Variants in DPP6 observed in about 807,000 individuals in gnomAD.
The protein encoded by DPP6 is dipeptidyl peptidase like 6.
A neutral mutation model predicts 122.6 loss-of-function variants in DPP6; 69 were observed. The observed-to-expected ratio is 0.56, with a 90% CI of 0.46 to 0.69. The LOEUF (loss-of-function observed/expected upper bound fraction) is 0.69, where lower values mean the gene tolerates loss of function less well. Among genes scored for constraint, DPP6 ranks in the 30% least tolerant of loss-of-function variants. The probability of loss-of-function intolerance (pLI) is 0.00; values close to 1 mark genes in which losing one functional copy is unlikely to be tolerated. For synonymous variants in DPP6, 418 were observed against 433.1 expected (o/e 0.97, Z 0.43); for missense variants, 928 against 1,116.9 (o/e 0.83, Z 2.41).
intron 8 of DPP6, among the ~76,000 whole-genome samples, chr7:154,739,376 G>A (rs770443308): frequency 6.6e-6 from 1 of 152,192 alleles, no homozygotes; most frequent in Non-Finnish European, 1.5e-5. Flanking sequence ...GAAGATCAGA[G>A]TTGGGTTGAG....
At chr7:154,414,770 T>C (rs286855) in intron 1 of DPP6, among the ~76,000 whole-genome samples, 123,789 of 152,058 alleles carry the variant, frequency 0.81, 52,463 homozygotes, top group South Asian at 0.95. Flanking sequence ...GTCCCCCTTG[T>C]GTGGCTGTCA....
chr7:154,559,677 C>T (rs1055543202), intron 4 of DPP6, among the ~76,000 whole-genome samples: 6 of 151,956 alleles, frequency 3.9e-5, no homozygotes, highest in Non-Finnish European at 5.9e-5. Flanking sequence ...AGCCAGAGGA[C>T]ATTGGAATGA....
chr7:154,229,424 A>G (rs1272558931), intron 1 of DPP6, among the ~76,000 whole-genome samples: 1 of 152,204 alleles, frequency 6.6e-6, no homozygotes, highest in Non-Finnish European at 1.5e-5. Context: ...TGGAATGTTT[A>G]TTCAACTTTA....
At chr7:154,761,185 C>T (rs187545915) in intron 8 of DPP6, among the ~76,000 whole-genome samples, 7 of 152,324 alleles carry the variant, frequency 4.6e-5, no homozygotes, top group Admixed American at 3.9e-4. Context: ...AATACAATGG[C>T]ATAAAACTGC....
At chr7:153,822,859 T>C in the DPP6 span, among the ~76,000 whole-genome samples, 1 of 152,236 alleles carries the variant, frequency 6.6e-6, no homozygotes. Context: ...CTTCCTTCTT[T>C]ACGTTTCAAA....
At chr7:153,774,101 A>G in the DPP6 span, among the ~76,000 whole-genome samples, 1 of 152,176 alleles carries the variant, frequency 6.6e-6, no homozygotes, top group African/African-American at 2.4e-5. Flanking sequence ...TGTTTGTACC[A>G]ATTATGTTGA....
intron 3 of DPP6, among the ~76,000 whole-genome samples, chr7:154,539,787 TAA>T (rs56012436): frequency 6.6e-6 from 1 of 151,654 alleles, no homozygotes. Flanking sequence ...TTTTTTAAAT[TAA>T]AAAAAATTAT....
chr7:154,714,359 G>A (rs961355465), intron 7 of DPP6, among the ~76,000 whole-genome samples: 27 of 152,052 alleles, frequency 1.8e-4, no homozygotes, highest in African/African-American at 5.1e-4. Context: ...CTCACTCTCC[G>A]TAGCACCAAT....
At chr7:153,926,903 T>C (rs938324618) in intron 1 of DPP6, among the ~76,000 whole-genome samples, 1 of 152,220 alleles carries the variant, frequency 6.6e-6, no homozygotes, top group African/African-American at 2.4e-5. Flanking sequence ...AAATTATTGT[T>C]GTGGAAAATG....
intron 1 of DPP6, among the ~76,000 whole-genome samples, chr7:153,910,139 A>G (rs1800017743): frequency 6.6e-6 from 1 of 151,944 alleles, no homozygotes; most frequent in African/African-American, 2.4e-5. Context: ...AGTCAATTTA[A>G]TTTGTAGCCC....
At chr7:154,713,879 T>C (rs1841334989) in intron 7 of DPP6, among the ~76,000 whole-genome samples, 1 of 152,212 alleles carries the variant, frequency 6.6e-6, no homozygotes, top group Non-Finnish European at 1.5e-5. Context: ...TCCCAGAAAG[T>C]GGGATTTTCT....
intron 1 of DPP6, among the ~76,000 whole-genome samples, chr7:154,243,321 T>C (rs77404309): frequency 0.038 from 5,779 of 152,114 alleles, 180 homozygotes; most frequent in East Asian, 0.13. Context: ...ATTAAATGCC[T>C]TTGATGTTGA....
At chr7:154,224,254 G>T (rs960873172) in intron 1 of DPP6, among the ~76,000 whole-genome samples, 1 of 148,826 alleles carries the variant, frequency 6.7e-6, no homozygotes, top group Admixed American at 6.6e-5. Flanking sequence ...ACTTGGAGGC[G>T]GACATTGCAG....
chr7:154,776,254 T>C (rs1190009274), intron 10 of DPP6, among the ~76,000 whole-genome samples: 1 of 131,276 alleles, frequency 7.6e-6, no homozygotes, highest in Non-Finnish European at 1.7e-5. Context: ...CATAGATAGA[T>C]AGATAGATGA....
At chr7:154,110,668 C>G (rs1417171572) in intron 1 of DPP6, among the ~76,000 whole-genome samples, 2 of 152,012 alleles carry the variant, frequency 1.3e-5, no homozygotes, top group East Asian at 3.9e-4. Context: ...ACAGCCAGCC[C>G]CAACTGATGT....
At chr7:154,578,772 G>A (rs1181720110) in intron 5 of DPP6, among the ~76,000 whole-genome samples, 1 of 152,122 alleles carries the variant, frequency 6.6e-6, no homozygotes, top group Admixed American at 6.5e-5. Flanking sequence ...GTGAGGGTAG[G>A]TGTGCATATG....
At chr7:154,007,991 G>A (rs1278418870) in intron 1 of DPP6, among the ~76,000 whole-genome samples, 2 of 152,204 alleles carry the variant, frequency 1.3e-5, no homozygotes, top group Admixed American at 1.3e-4. Context: ...AGTGTGGGCA[G>A]TGTCCTCCCG....
chr7:154,795,727 G>A (rs1424486917), intron 11 of DPP6, 118 bp from the exon 12 acceptor site: 7 of 1,413,718 alleles, frequency 5.0e-6, no homozygotes, highest in African/African-American at 1.4e-5. Flanking sequence ...TTGTGCAGCG[G>A]CCATGTAGGT....
intron 5 of DPP6, among the ~76,000 whole-genome samples, chr7:154,616,512 T>C (rs1187529821): frequency 1.3e-5 from 2 of 151,350 alleles, no homozygotes; most frequent in Non-Finnish European, 2.9e-5. Flanking sequence ...ACACAGAGAG[T>C]TGCTGGTTTA....
Sources: gnomAD v4.1 joint callset for allele counts (sites outside exome capture counted in the v4.1 genomes callset) on GRCh38, gnomAD v4.1.1 for gene constraint, MANE v1.5 for transcripts, NCBI Gene and HGNC (gene_info 2026-07-23, HGNC 2026-07-21) for gene names.